Variants in ZBTB38 observed in about 807,000 individuals in gnomAD.
The protein encoded by ZBTB38 is zinc finger and BTB domain-containing protein 38.
Under a neutral mutation model 76.8 loss-of-function variants are expected in ZBTB38, and 20 were observed. The observed-to-expected ratio is 0.26, with a 90% CI of 0.18 to 0.38. The LOEUF (loss-of-function observed/expected upper bound fraction) is 0.38. Ranked by LOEUF, ZBTB38 falls within the 10% of genes least tolerant of loss-of-function variation. The pLI is 1.00. For synonymous variants in ZBTB38, 504 were observed against 544.2 expected (o/e 0.93, Z 1.03); for missense variants, 1,082 against 1,482.3 (o/e 0.73, Z 4.43).
At chr3:141,357,678 C>T (rs551287972) in intron 1 of ZBTB38, among the ~76,000 whole-genome samples, 12 of 152,178 alleles carry the variant, frequency 7.9e-5, no homozygotes, top group East Asian at 1.9e-4. Context: ...TACAGGCACC[C>T]GCCACCACGC....
At position 141,356,233 on chromosome 3, in the gene ZBTB38, A is replaced by G. The variant is rs369527387; in HGVS notation, c.-738-12388A>G. 3.3e-3 allele frequency among the ~76,000 whole-genome samples: 505 copies of G among 152,206 alleles called. 5 individuals carry two copies. Among genetic ancestry groups the G allele is most frequent in the African/African-American group, 0.011 (474 of 41,526 alleles). On this transcript the variant is annotated intron_variant, in intron 1 of 7. Coordinates refer to the ZBTB38 transcript ENST00000509842. ...GCCCTGGGACCATGGGAAGTGAGGA[A>G]ATGGCAATTTGTTAGGATTTCCTGC...
At chr3:141,334,953 C>T (rs907339248) in intron 1 of ZBTB38, among the ~76,000 whole-genome samples, 1 of 152,214 alleles carries the variant, frequency 6.6e-6, no homozygotes, top group Admixed American at 6.5e-5. Context: ...TTAAACTTGG[C>T]CATCCATCAG....
chr3:141,416,894 G>A (rs568877515), intron 5 of ZBTB38, among the ~76,000 whole-genome samples: 8 of 152,304 alleles, frequency 5.3e-5, no homozygotes, highest in Non-Finnish European at 7.4e-5. Flanking sequence ...CAGAGAGCAC[G>A]GCCCTGCTGA....
chr3:141,334,432 C>CCTTT (rs1491327005), intron 1 of ZBTB38, among the ~76,000 whole-genome samples: 20 of 128,696 alleles, frequency 1.6e-4, no homozygotes, highest in African/African-American at 6.6e-4. Flanking sequence ...TTCCTTCCTT[C>CCTTT]CTTCCTTCCT....
intron 5 of ZBTB38, among the ~76,000 whole-genome samples, chr3:141,406,475 A>G (rs1045853880): frequency 6.6e-6 from 1 of 152,228 alleles, no homozygotes; most frequent in African/African-American, 2.4e-5. Context: ...AGTGGTACCC[A>G]TGGAGGAAAC....
intron 1 of ZBTB38, among the ~76,000 whole-genome samples, chr3:141,324,661 T>C (rs1942620409): frequency 6.6e-6 from 1 of 152,022 alleles, no homozygotes; most frequent in South Asian, 2.1e-4. Context: ...ATGTTGATGC[T>C]CAATAAATCA....
At chr3:141,403,287 A>G (rs1953013418) in intron 4 of ZBTB38, 1 of 152,194 alleles carries the variant, frequency 6.6e-6, no homozygotes, top group Non-Finnish European at 1.5e-5. Flanking sequence ...AAGCTCAACT[A>G]CTTGGTCAGA....
At chr3:141,346,790 G>GTGTA (rs1460990934) in intron 1 of ZBTB38, among the ~76,000 whole-genome samples, 4 of 140,166 alleles carry the variant, frequency 2.9e-5, no homozygotes, top group Non-Finnish European at 5.9e-5. Context: ...TTTTGTGTGT[G>GTGTA]TGTGTGTGTG....
intron 5 of ZBTB38, among the ~76,000 whole-genome samples, chr3:141,439,492 T>C (rs1013742707): frequency 1.3e-5 from 2 of 152,238 alleles, no homozygotes; most frequent in South Asian, 4.1e-4. Context: ...ATGTTAAGAG[T>C]TGGCCTTTTG....
intron 1 of ZBTB38, among the ~76,000 whole-genome samples, chr3:141,363,320 C>A (rs1943871492): frequency 6.6e-6 from 1 of 152,156 alleles, no homozygotes. Context: ...GGGATTACTC[C>A]CAAAATTGAT....
At position 141,442,053 on chromosome 3, in the gene ZBTB38, G is replaced by GATGA. The variant is rs1336861052; in HGVS notation, c.1-335_1-332dup. Reference sequence around the variant, plus strand: ...GTTCAAAGCAGCAGCCTTGAATGATGATGAGACCCTTAACATTTCAGAAAA... The same window carrying GATGA: ...GTTCAAAGCAGCAGCCTTGAATGATGATGAATGAGACCCTTAACATTTCAGAAAA... On this transcript the variant is annotated intron_variant, in intron 5 of 5. Transcript: ENST00000321464. This position sits in a 1 kb window ranked among gnomAD's most constrained non-coding sequence, Gnocchi z 6.4. Among the ~76,000 whole-genome samples, 1 of 150,260 alleles carries GATGA rather than the reference G, an allele frequency of 6.7e-6. No individual in the cohort carries two copies. The highest frequency in any genetic ancestry group is 1.5e-5 in the Non-Finnish European group (1 of 67,786).
Position 141,346,782 on chromosome 3 carries a change from TTGTGTGTGTG to T in ZBTB38, c.-738-21814_-738-21805del, listed in dbSNP as rs56345431. On this transcript the variant is annotated intron_variant, in intron 1 of 7. Transcript: ENST00000509842. The stretch of plus-strand genomic sequence containing the variant: ...ACTCTCCGAGGTTTTTTGTTTTGTT[TTGTGTGTGTG>T]TGTGTGTGTGTGTGTGTGTGTGTGG... Among the ~76,000 whole-genome samples, 660 of 144,676 alleles carry T rather than the reference TTGTGTGTGTG, an allele frequency of 4.6e-3. 7 individuals carry two copies. Among genetic ancestry groups the T allele is most frequent in the African/African-American group, 0.014 (532 of 38,920 alleles). The allele number at this position is 144,676 out of a possible 152,430, so 94.9% of individuals were successfully genotyped here.
At chr3:141,399,955 A>G (rs1029811742) in intron 4 of ZBTB38, among the ~76,000 whole-genome samples, 1 of 143,704 alleles carries the variant, frequency 7.0e-6, no homozygotes, top group Non-Finnish European at 1.5e-5. Context: ...AAATTTAAGA[A>G]TTTAAGAGAG....
upstream of ZBTB38, among the ~76,000 whole-genome samples, chr3:141,364,674 T>C (rs1943909021): frequency 6.1e-5 from 1 of 16,444 alleles, no homozygotes; most frequent in Non-Finnish European, 1.2e-4. Flanking sequence ...GGAAACTACA[T>C]CTAAAAAAAA....
chr3:141,392,171 T>G (rs940231846), intron 4 of ZBTB38, among the ~76,000 whole-genome samples: 3 of 152,210 alleles, frequency 2.0e-5, no homozygotes, highest in Admixed American at 6.5e-5. Flanking sequence ...CATGTTATAC[T>G]TCGTTGGGTT....
At chr3:141,419,937 A>G (rs1256810604) in intron 5 of ZBTB38, among the ~76,000 whole-genome samples, 12 of 152,306 alleles carry the variant, frequency 7.9e-5, no homozygotes, top group Non-Finnish European at 1.8e-4. Context: ...CAGTGAGCCA[A>G]GATTATGCCA....
intron 1 of ZBTB38, among the ~76,000 whole-genome samples, chr3:141,351,234 G>C (rs1943504474): frequency 6.6e-6 from 1 of 152,078 alleles, no homozygotes; most frequent in Non-Finnish European, 1.5e-5. Flanking sequence ...CCAGTTGCTT[G>C]CTTCATACTT....
At chr3:141,376,466 G>A (rs1945363646) in intron 2 of ZBTB38, among the ~76,000 whole-genome samples, 1 of 152,040 alleles carries the variant, frequency 6.6e-6, no homozygotes. Context: ...CCTGATTCTT[G>A]GCCTCCTAGT....
intron 2 of ZBTB38, among the ~76,000 whole-genome samples, chr3:141,371,816 CA>C (rs1369679556): frequency 6.6e-6 from 1 of 152,190 alleles, no homozygotes; most frequent in African/African-American, 2.4e-5. Context: ...ATAAGTTTAA[CA>C]TTTTATGTAA....
Sources: allele counts gnomAD v4.1 joint callset (sites outside exome capture counted in the v4.1 genomes callset), GRCh38; gene constraint gnomAD v4.1.1; non-coding constraint Gnocchi (gnomAD v3.1); transcripts MANE v1.5; gene names NCBI Gene and HGNC (gene_info 2026-07-23, HGNC 2026-07-21).